CTNNA2: variants seen among roughly 807,000 people sequenced by gnomAD.
CTNNA2 encodes catenin alpha 2.
Under a neutral mutation model 101.0 loss-of-function variants are expected in CTNNA2, and 42 were observed. The observed-to-expected ratio is 0.42, with a 90% CI of 0.32 to 0.54. The LOEUF is 0.54. CTNNA2 is among the 20% of genes least tolerant of loss of function. The pLI is 0.14. For missense variants in CTNNA2, 871 were observed against 1,223.1 expected (o/e 0.71, Z 4.29); for synonymous variants, 450 against 456.4 (o/e 0.99, Z 0.18).
chr2:79,860,570 A>ATTTTTTTTTT (rs1681539838), intron 4 of CTNNA2, among the ~76,000 whole-genome samples: 2 of 15,070 alleles, frequency 1.3e-4, no homozygotes, highest in African/African-American at 2.2e-4. Flanking sequence ...TTTTTTAACG[A>ATTTTTTTTTT]TTTAGCACAA....
intron 9 of CTNNA2, among the ~76,000 whole-genome samples, chr2:80,494,684 G>C (rs956924384): frequency 8.0e-5 from 12 of 150,252 alleles, no homozygotes; most frequent in African/African-American, 2.9e-4. Context: ...TAGACGAAGG[G>C]ACAGTTTAGC....
intron 7 of CTNNA2, among the ~76,000 whole-genome samples, chr2:80,239,684 G>A (rs1441173117): frequency 6.6e-6 from 1 of 152,046 alleles, no homozygotes; most frequent in Non-Finnish European, 1.5e-5. Context: ...GGCTGAGGTG[G>A]GTGGATCACC....
intron 7 of CTNNA2, among the ~76,000 whole-genome samples, chr2:79,949,069 A>T (rs1325085823): frequency 6.6e-6 from 1 of 152,216 alleles, no homozygotes; most frequent in Non-Finnish European, 1.5e-5. Flanking sequence ...AATATGAGCC[A>T]TAGAAGTTGG....
At chr2:80,222,987 T>C (rs2149058117) in intron 7 of CTNNA2, among the ~76,000 whole-genome samples, 1 of 152,192 alleles carries the variant, frequency 6.6e-6, no homozygotes, top group East Asian at 1.9e-4. Flanking sequence ...TAGTTTTGCT[T>C]GGATAGGATT....
At chr2:79,898,830 T>A (rs116156509) in intron 6 of CTNNA2, among the ~76,000 whole-genome samples, 1 of 152,100 alleles carries the variant, frequency 6.6e-6, no homozygotes, top group Non-Finnish European at 1.5e-5. Flanking sequence ...GGGTCGGGAT[T>A]GGACATGGTA....
intron 1 of CTNNA2, among the ~76,000 whole-genome samples, chr2:79,622,389 A>G (rs1039844541): frequency 6.6e-6 from 1 of 152,224 alleles, no homozygotes; most frequent in African/African-American, 2.4e-5. Context: ...CAGATAAGGA[A>G]CTTAACTTCT....
chr2:80,630,538 G>C (rs1485330473), intron 18 of CTNNA2, among the ~76,000 whole-genome samples: 1 of 152,184 alleles, frequency 6.6e-6, no homozygotes, highest in Non-Finnish European at 1.5e-5. Context: ...TTGGGAGACT[G>C]AGGCAGGAGA....
intron 1 of CTNNA2, chr2:79,573,616 G>A (rs557066883): frequency 2.0e-5 from 3 of 152,262 alleles, no homozygotes; most frequent in East Asian, 1.9e-4. Context: ...ATAGAACCAC[G>A]ATTTTTAAAA....
At chr2:79,458,107 A>G (rs1404175393) in intron 4 of CTNNA2, among the ~76,000 whole-genome samples, 1 of 152,188 alleles carries the variant, frequency 6.6e-6, no homozygotes, top group East Asian at 1.9e-4. Context: ...GCATCTCAGG[A>G]GGAATTAGTT....
chr2:80,361,155 A>T (rs918775144), intron 7 of CTNNA2, among the ~76,000 whole-genome samples: 4 of 152,108 alleles, frequency 2.6e-5, no homozygotes, highest in African/African-American at 7.2e-5. Context: ...TTTCTAGCAG[A>T]TGGAACATCA....
chr2:79,604,728 C>T (rs1208359962), intron 1 of CTNNA2, among the ~76,000 whole-genome samples: 2 of 152,136 alleles, frequency 1.3e-5, no homozygotes, highest in Non-Finnish European at 2.9e-5. Flanking sequence ...TTTACACCAG[C>T]AAGACTGGAA....
At chr2:79,409,180 T>C (rs1239591075) in intron 4 of CTNNA2, among the ~76,000 whole-genome samples, 1 of 152,190 alleles carries the variant, frequency 6.6e-6, no homozygotes, top group East Asian at 1.9e-4. Flanking sequence ...TTTGAGTTCA[T>C]TGTAGATTCT....
intron 7 of CTNNA2, among the ~76,000 whole-genome samples, chr2:80,082,533 A>G (rs1165130913): frequency 6.6e-6 from 1 of 152,154 alleles, no homozygotes; most frequent in Non-Finnish European, 1.5e-5. Flanking sequence ...GTTCTTGGGT[A>G]AACTCCAGGC....
At chr2:80,269,983 C>G (rs182353801) in intron 7 of CTNNA2, among the ~76,000 whole-genome samples, 2 of 152,240 alleles carry the variant, frequency 1.3e-5, no homozygotes, top group East Asian at 3.9e-4. Flanking sequence ...CCTAATAAAC[C>G]AGGGGCTGTA....
chr2:79,405,791 C>T (rs1678334800), intron 4 of CTNNA2, among the ~76,000 whole-genome samples: 1 of 151,952 alleles, frequency 6.6e-6, no homozygotes, highest in Non-Finnish European at 1.5e-5. Context: ...TTATGCTGTT[C>T]CCAGAATCCT....
At chr2:79,689,931 G>T (rs954973923) in intron 2 of CTNNA2, among the ~76,000 whole-genome samples, 2 of 151,868 alleles carry the variant, frequency 1.3e-5, no homozygotes, top group Non-Finnish European at 2.9e-5. Flanking sequence ...CAGACAAAAT[G>T]ATGAAAATCC....
chr2:79,788,254 A>G (rs1242478106), intron 3 of CTNNA2, among the ~76,000 whole-genome samples: 1 of 152,114 alleles, frequency 6.6e-6, no homozygotes, highest in African/African-American at 2.4e-5. Flanking sequence ...GGGAGCTCAG[A>G]CTCACGTGGT....
chr2:79,987,321 A>G (rs1691836618), intron 7 of CTNNA2, among the ~76,000 whole-genome samples: 1 of 152,244 alleles, frequency 6.6e-6, no homozygotes, highest in South Asian at 2.1e-4. Flanking sequence ...CAGCTTGCTC[A>G]CTGTCCTGAT....
intron 7 of CTNNA2, among the ~76,000 whole-genome samples, chr2:80,363,200 A>C (rs748194471): frequency 1.3e-5 from 2 of 152,092 alleles, no homozygotes; most frequent in Admixed American, 6.6e-5. Context: ...GATATGGTGG[A>C]AAACAAGCAC....
Sources: gnomAD v4.1 joint callset for allele counts (sites outside exome capture counted in the v4.1 genomes callset) on GRCh38, gnomAD v4.1.1 for gene constraint, MANE v1.5 for transcripts, NCBI Gene and HGNC (gene_info 2026-07-23, HGNC 2026-07-21) for gene names.